The following HBS1L variants were observed in gnomAD, a reference collection of about 807,000 sequenced individuals.
The protein encoded by HBS1L is HBS1 like translational GTPase, also known as HBS1-like protein.
Under a neutral mutation model 88.9 loss-of-function variants are expected in HBS1L, and 55 were observed. The ratio of observed to expected loss-of-function variants is 0.62; its 90% CI spans 0.50 to 0.77. The LOEUF (loss-of-function observed/expected upper bound fraction) is 0.77, where lower values mean the gene tolerates loss of function less well. Ranked by LOEUF, HBS1L falls within the 30% of genes least tolerant of loss-of-function variation. The probability of loss-of-function intolerance (pLI) is 0.00; values close to 1 mark genes in which losing one functional copy is unlikely to be tolerated. For missense variants in HBS1L, 741 were observed against 829.3 expected (o/e 0.89, Z 1.31); for synonymous variants, 267 against 288.5 (o/e 0.93, Z 0.76).
intron 15 of HBS1L, among the ~76,000 whole-genome samples, chr6:134,974,683 C>T (rs192697924): frequency 2.0e-5 from 3 of 150,266 alleles, no homozygotes; most frequent in African/African-American, 7.3e-5. Context: ...TCAATAGATG[C>T]GGAAAAAGCA....
intron 4 of HBS1L, among the ~76,000 whole-genome samples, chr6:135,005,964 A>G (rs1238895103): frequency 6.6e-6 from 1 of 152,218 alleles, no homozygotes; most frequent in African/African-American, 2.4e-5. Context: ...TAAGTTGAAC[A>G]TTTAAAAAAT....
chr6:135,000,388 A>G (rs1775417431), intron 5 of HBS1L, among the ~76,000 whole-genome samples: 1 of 151,742 alleles, frequency 6.6e-6, no homozygotes, highest in Non-Finnish European at 1.5e-5. Context: ...TTATAAAATG[A>G]CTAGTCTTTT....
rs1391883393 is a variant in HBS1L at position 135,042,026 on chromosome 6, G to A, written c.210C>T (p.Asn70=). Residue 70 remains asparagine (N), a synonymous_variant, in exon 3 of 18, where the codon AAC becomes AAT. Transcript: ENST00000367837. ...DLKESSNSVS[N]HQLSGFDQAR... ...CTTGATCAAATCCACTGAGCTGATGGTTTGAAACAGAATTGGAAGATTCTT... is the reference window on the plus strand; with the variant it reads ...CTTGATCAAATCCACTGAGCTGATGATTTGAAACAGAATTGGAAGATTCTT... 6.2e-7 allele frequency: 1 copy of A among 1,613,412 alleles called. No individual in the cohort carries two copies. Among genetic ancestry groups the A allele is most frequent in the Non-Finnish European group, 8.5e-7 (1 of 1,179,700 alleles).
At chr6:135,040,595 C>G (rs1776703929) in intron 3 of HBS1L, among the ~76,000 whole-genome samples, 1 of 152,042 alleles carries the variant, frequency 6.6e-6, no homozygotes, top group Non-Finnish European at 1.5e-5. Context: ...AGGTTTCCAC[C>G]TGCCTCGGCC....
chr6:135,028,278 A>T (rs971195941), intron 4 of HBS1L, among the ~76,000 whole-genome samples: 2 of 151,456 alleles, frequency 1.3e-5, no homozygotes, highest in Non-Finnish European at 2.9e-5. Context: ...AAAAAAAAAA[A>T]TGCTGGGCAG....
At chr6:135,016,787 T>C (rs1298094131) in intron 4 of HBS1L, among the ~76,000 whole-genome samples, 1 of 152,220 alleles carries the variant, frequency 6.6e-6, no homozygotes, top group Non-Finnish European at 1.5e-5. Context: ...CAGTGCCTGG[T>C]ACATATTAGG....
At position 135,050,661 on chromosome 6, in the gene HBS1L, A is replaced by G; in HGVS notation, c.44-14T>C. On this transcript the variant is annotated splice_polypyrimidine_tract_variant and intron_variant, in intron 1 of 17. Coordinates refer to ENST00000367837, the MANE Select transcript of HBS1L (RefSeq NM_006620.4). ...CATCTTCAAAATCTAAAATAAAGAC[A>G]AAAGAGATAAATTCATTTACAAGTT... is the stretch of plus-strand genomic sequence containing the variant. 6.7e-7 allele frequency: 1 copy of G among 1,499,212 alleles called. No individual in the cohort carries two copies. The highest frequency in any genetic ancestry group is 2.3e-5 in the East Asian group (1 of 43,128). The allele number at this position is 1,499,212 out of a possible 1,614,324, so 92.9% of individuals were successfully genotyped here.
intron 4 of HBS1L, among the ~76,000 whole-genome samples, chr6:135,026,309 T>A (rs959505720): frequency 2.0e-5 from 3 of 152,136 alleles, no homozygotes; most frequent in Non-Finnish European, 2.9e-5. Context: ...AATGTTCACA[T>A]CTCCATTTTT....
At chr6:135,030,318 G>A (rs532707080) in intron 4 of HBS1L, among the ~76,000 whole-genome samples, 1 of 152,234 alleles carries the variant, frequency 6.6e-6, no homozygotes, top group African/African-American at 2.4e-5. Context: ...TGAACTATGG[G>A]TGCATATGAA....
chr6:134,966,396 A>T lies in HBS1L; in HGVS notation c.1976T>A (p.Phe659Tyr), dbSNP rs760219198. 4.3e-6 allele frequency: 7 copies of T among 1,612,822 alleles called. No homozygotes were observed. The African/African-American group carries it at 8.0e-5, about 18-fold the overall frequency. Residue 659 changes from phenylalanine (F) to tyrosine (Y), a missense_variant, in exon 17 of 18, where the codon TTT becomes TAT. Transcript: ENST00000367837. ...TAGCATGAACCTCCCCAGCTCTTTAAAGTCTTTATATAGCTCAAGAGCTAT... is the reference window on the plus strand; with the variant it reads ...TAGCATGAACCTCCCCAGCTCTTTATAGTCTTTATATAGCTCAAGAGCTAT... ...RPIALELYKD[F>Y]KELGRFMLRY...
At chr6:135,054,569 C>A in intron 1 of HBS1L, 80 bp downstream of exon 1, 1 of 1,523,160 alleles carries the variant, frequency 6.6e-7, no homozygotes, top group Non-Finnish European at 9.1e-7. Context: ...GAGAAACTCA[C>A]AGATTGAAGT....
At chr6:135,000,005 T>C (rs1342480555) in intron 5 of HBS1L, among the ~76,000 whole-genome samples, 1 of 152,108 alleles carries the variant, frequency 6.6e-6, no homozygotes, top group Admixed American at 6.6e-5. Context: ...GTTGGTTGGA[T>C]TTTTTTCAGG....
intron 12 of HBS1L, among the ~76,000 whole-genome samples, chr6:134,984,405 G>A (rs2114779010): frequency 6.6e-6 from 1 of 152,194 alleles, no homozygotes; most frequent in Non-Finnish European, 1.5e-5. Flanking sequence ...AATCTAAGTG[G>A]GATAAACAGA....
chr6:135,005,063 C>T (rs933185520), intron 4 of HBS1L, among the ~76,000 whole-genome samples: 4 of 152,166 alleles, frequency 2.6e-5, no homozygotes, highest in Non-Finnish European at 4.4e-5. Flanking sequence ...ATCTGGGGCT[C>T]TGGGCCAGTC....
rs55913774 is a variant in HBS1L at position 135,054,792 on chromosome 6, G to C, written c.-101C>G. 1.4e-6 allele frequency: 2 copies of C among 1,410,390 alleles called. No individual in the cohort carries two copies. Among genetic ancestry groups the C allele is most frequent in the South Asian group, 1.2e-5 (1 of 82,944 alleles). 87.4% of individuals were successfully genotyped at this position (1,410,390 alleles called of 1,614,324 possible). ...ACTGCAGCCTGGAGAACCCCTATGC[G>C]CCATCTTGGCTTCCCGCAGGCCTCT... On this transcript the variant is annotated 5_prime_UTR_variant, in exon 1 of 18. Coordinates refer to ENST00000367837, the MANE Select transcript of HBS1L (RefSeq NM_006620.4).
intron 10 of HBS1L, among the ~76,000 whole-genome samples, 170 bp from the exon 11 acceptor site, chr6:134,986,353 C>G (rs1403550403): frequency 3.9e-5 from 6 of 152,068 alleles, no homozygotes; most frequent in Non-Finnish European, 8.8e-5. Context: ...TAATTTTCAA[C>G]TTTTTTGATT....
At chr6:134,998,983 C>T (rs2114808045) in intron 5 of HBS1L, among the ~76,000 whole-genome samples, 1 of 152,284 alleles carries the variant, frequency 6.6e-6, no homozygotes, top group East Asian at 1.9e-4. Context: ...ATCAAACAGA[C>T]TATAATTTGC....
intron 16 of HBS1L, among the ~76,000 whole-genome samples, chr6:134,966,905 A>AC (rs1774331666): frequency 6.8e-6 from 1 of 147,432 alleles, no homozygotes; most frequent in African/African-American, 2.7e-5. Context: ...TTTCCTAGTA[A>AC]AACTGTAATT....
intron 4 of HBS1L, among the ~76,000 whole-genome samples, chr6:135,033,685 A>T (rs982507452): frequency 6.6e-6 from 1 of 152,236 alleles, no homozygotes; most frequent in Non-Finnish European, 1.5e-5. Context: ...TCACCCTAGA[A>T]GGTCTACTAT....
Sources: allele counts gnomAD v4.1 joint callset (sites outside exome capture counted in the v4.1 genomes callset), GRCh38; gene constraint gnomAD v4.1.1; transcripts MANE v1.5; gene names NCBI Gene and HGNC (gene_info 2026-07-23, HGNC 2026-07-21).